ARPP19: variants seen among roughly 807,000 people sequenced by gnomAD.
ARPP19 encodes the protein cAMP-regulated phosphoprotein 19.
ARPP19 carries 8 observed loss-of-function variants against 12.0 expected under a neutral mutation model. The observed-to-expected ratio is 0.67, with a 90% CI of 0.39 to 1.21. The LOEUF (loss-of-function observed/expected upper bound fraction) is 1.21, where lower values mean the gene tolerates loss of function less well. Ranked by LOEUF, ARPP19 falls within the 50% of genes most tolerant of loss-of-function variation. ARPP19 has a pLI of 0.01. For synonymous variants in ARPP19, 47 were observed against 50.4 expected, an observed-to-expected ratio of 0.93 and a Z score of 0.29; for missense variants, 102 against 136.3, an observed-to-expected ratio of 0.75 and a Z score of 1.25.
chr15:52,557,160 A>G lies in ARPP19; in HGVS notation c.108T>C (p.Tyr36=). The part of the protein sequence containing the change: ...KAEEAKLKAR[Y]PHLGQKPGGS... ...CTCCAGGCTTTTGTCCCAGATGAGG[A>G]TATCTTGCTTTTAATTTTGCTTCTT... The change falls in exon 2 of 3, where the codon TAT becomes TAC. Residue 36 remains tyrosine (Y), a synonymous_variant. Transcript: ENST00000249822. 1 of 1,612,894 alleles carries G rather than the reference A, an allele frequency of 6.2e-7. No individual in the cohort carries two copies.
At position 52,547,084 on chromosome 15, in the gene ARPP19, G is replaced by A. The variant is rs2077883213; in HGVS notation, c.*4850C>T. 9.0e-6 allele frequency: 1 copy of A among 111,540 alleles called. No homozygotes were observed. The highest frequency in any genetic ancestry group is 1.1e-4 in the Admixed American group (1 of 8,724). The allele number at this position is 111,540 out of a possible 1,614,324, so 6.9% of individuals were successfully genotyped here. On this transcript the variant is annotated 3_prime_UTR_variant, in exon 3 of 3. Transcript: ENST00000249822. The stretch of plus-strand genomic sequence containing the variant: ...CATTTAATCCTACCTTAAGTACAAA[G>A]CCTTTACAAATGCAAAAAAAAAAAA...
chr15:52,568,678 T>C lies in ARPP19; in HGVS notation c.45+170A>G, dbSNP rs9806501. ...CGCGGGGCACGTTGGAACTCCCAAT[T>C]CGTCGGCGCACCAGCCAGCGACGGC... On this transcript the variant is annotated intron_variant, in intron 1 of 2. Coordinates refer to ENST00000249822, the MANE Select transcript of ARPP19 (RefSeq NM_006628.6). The C allele has an allele frequency of 3.9e-3, 1,917 of 492,520 alleles. 29 individuals are homozygous for C. Among genetic ancestry groups the C allele is most frequent in the African/African-American group, 0.037 (1,789 of 48,576 alleles). The allele number at this position is 492,520 out of a possible 1,614,324, so 30.5% of individuals were successfully genotyped here.
intron 2 of ARPP19, among the ~76,000 whole-genome samples, chr15:52,554,447 G>GA (rs2077963556): frequency 8.3e-5 from 1 of 12,004 alleles, no homozygotes. Flanking sequence ...AGATAGAGAA[G>GA]TGAACTAATG....
At chr15:52,555,322 C>T (rs998756803) in intron 2 of ARPP19, among the ~76,000 whole-genome samples, 7 of 151,894 alleles carry the variant, frequency 4.6e-5, no homozygotes, top group Non-Finnish European at 8.8e-5. Context: ...GCCTATTAGC[C>T]AAGGTTATGC....
intron 2 of ARPP19, chr15:52,556,855 G>C (rs1296041148): frequency 2.8e-5 from 10 of 363,500 alleles, no homozygotes; most frequent in Non-Finnish European, 4.9e-5. Flanking sequence ...TATGGGTTCT[G>C]TTATATCTGC....
chr15:52,556,133 A>G (rs2077979211), intron 2 of ARPP19, among the ~76,000 whole-genome samples: 2 of 152,090 alleles, frequency 1.3e-5, no homozygotes, highest in Admixed American at 6.5e-5. Context: ...TAAAAATACC[A>G]TTCTATTTTT....
rs796368820 is a variant in ARPP19, at chr15:52,564,274, GGCGGTT to G, written c.45+4568_45+4573del. On this transcript the variant is annotated intron_variant, in intron 1 of 2. Coordinates refer to ENST00000249822, the MANE Select transcript of ARPP19 (RefSeq NM_006628.6). ...GAATAGAAATAGAAAACATGGATGA[GGCGGTT>G]GCTCACACCTGCAGTCCCAGCTACT... The G allele has an allele frequency of 3.1e-5, 47 of 1,518,724 alleles. No individual in the cohort carries two copies. The African/African-American group carries it at 3.8e-4, about 12-fold the overall frequency. The allele number at this position is 1,518,724 out of a possible 1,614,324, so 94.1% of individuals were successfully genotyped here.
chr15:52,564,290 T>A (rs1430060988), intron 1 of ARPP19: 1 of 1,410,526 alleles, frequency 7.1e-7, no homozygotes, highest in South Asian at 1.2e-5. Flanking sequence ...TGCTCACACC[T>A]GCAGTCCCAG....
In ARPP19 at chr15:52,559,172, G is replaced by A. The variant is rs146709459; in HGVS notation, c.46-1950C>T. On this transcript the variant is annotated intron_variant, in intron 1 of 2. Transcript: ENST00000249822. Reference sequence around the variant, plus strand: ...TATGTTATCTCTTTACAGTGGCCACGTCATTCACTCACTTGACATGCACGA... The same window carrying A: ...TATGTTATCTCTTTACAGTGGCCACATCATTCACTCACTTGACATGCACGA... 7.2e-5 allele frequency among the ~76,000 whole-genome samples: 11 copies of A among 152,186 alleles called. No individual in the cohort carries two copies. In the East Asian group the frequency reaches 1.7e-3, roughly 24 times the overall value.
intron 2 of ARPP19, among the ~76,000 whole-genome samples, chr15:52,556,613 AG>A (rs1035226618): frequency 1.3e-5 from 2 of 152,162 alleles, no homozygotes; most frequent in African/African-American, 4.8e-5. Flanking sequence ...AAGTATTTTA[AG>A]CTTTTGAATG....
chr15:52,564,198 T>A (rs1411196960), intron 1 of ARPP19: 7 of 1,532,890 alleles, frequency 4.6e-6, no homozygotes, highest in Non-Finnish European at 5.2e-6. Context: ...ACCTCTAGGC[T>A]GTTAGGAATC....
At chr15:52,568,255 G>C (rs1302457504) in intron 1 of ARPP19, 3 of 152,198 alleles carry the variant, frequency 2.0e-5, no homozygotes, top group African/African-American at 7.2e-5. Context: ...ACCTTTTTGA[G>C]CACAGACTGC....
chr15:52,555,579 C>G (rs2077974437), intron 2 of ARPP19, among the ~76,000 whole-genome samples: 1 of 151,918 alleles, frequency 6.6e-6, no homozygotes, highest in Non-Finnish European at 1.5e-5. Flanking sequence ...TAGTTATAAG[C>G]TATAAGGAGG....
intron 1 of ARPP19, among the ~76,000 whole-genome samples, chr15:52,560,177 CT>C (rs1427852174): frequency 6.6e-6 from 1 of 151,762 alleles, no homozygotes; most frequent in African/African-American, 2.4e-5. Flanking sequence ...CCCTTATTTT[CT>C]TTTTCTTTTT....
Position 52,564,136 on chromosome 15 carries a change from C to T in ARPP19, c.45+4712G>A, listed in dbSNP as rs1019145004. The T allele has an allele frequency of 1.1e-5, 14 of 1,325,570 alleles. No individual in the cohort carries two copies. In the Admixed American group the frequency reaches 1.6e-4, roughly 15 times the overall value. The allele number at this position is 1,325,570 out of a possible 1,614,324, so 82.1% of individuals were successfully genotyped here. On this transcript the variant is annotated intron_variant, in intron 1 of 2. Transcript: ENST00000249822. ...AAGCAACCCTAACAAACTGTTGTATCGCAAACTGCTAAGACGGCTAAGAGA... is the reference window on the plus strand; with the variant it reads ...AAGCAACCCTAACAAACTGTTGTATTGCAAACTGCTAAGACGGCTAAGAGA...
rs1376937278 is a variant in ARPP19, at chr15:52,547,896, T to C, written c.*4038A>G. ...ATTTAATGAGTGCCATCAATGGGCT[T>C]AAGAAATAAGCAGGGATGGGGGATA... On this transcript the variant is annotated 3_prime_UTR_variant, in exon 3 of 3. Transcript: ENST00000249822. 6.6e-6 allele frequency: 1 copy of C among 152,218 alleles called. No homozygotes were observed. Among genetic ancestry groups the C allele is most frequent in the Non-Finnish European group, 1.5e-5 (1 of 68,040 alleles). 9.4% of individuals were successfully genotyped at this position (152,218 alleles called of 1,614,324 possible).
rs2078062197 is a variant in ARPP19 at position 52,564,335 on chromosome 15, C to G, written c.45+4513G>C. 5 of 947,198 alleles carry G rather than the reference C, an allele frequency of 5.3e-6. No individual in the cohort carries two copies. The East Asian group carries it at 1.3e-4, about 25-fold the overall frequency. 58.7% of individuals were successfully genotyped at this position (947,198 alleles called of 1,614,324 possible). The stretch of plus-strand genomic sequence containing the variant: ...GGCTGAGGTGGGAGGCTAGGTGAAC[C>G]CAGGAGTTCAAGGCGGCAATATGCT... On this transcript the variant is annotated intron_variant, in intron 1 of 2. Coordinates refer to ENST00000249822, the MANE Select transcript of ARPP19 (RefSeq NM_006628.6).
chr15:52,562,261 A>T (rs1287695462), intron 1 of ARPP19, among the ~76,000 whole-genome samples: 1 of 152,216 alleles, frequency 6.6e-6, no homozygotes. Flanking sequence ...CTTCCACAGC[A>T]CAAATGGAAA....
intron 1 of ARPP19, among the ~76,000 whole-genome samples, chr15:52,560,240 G>GC (rs112530133): frequency 0.021 from 3,233 of 151,602 alleles, 107 homozygotes; most frequent in African/African-American, 0.075. Flanking sequence ...CAGGTCATCT[G>GC]CCCGCCTCGG....
Sources: allele counts gnomAD v4.1 joint callset (sites outside exome capture counted in the v4.1 genomes callset), GRCh38; gene constraint gnomAD v4.1.1; transcripts MANE v1.5; gene names NCBI Gene and HGNC (gene_info 2026-07-23, HGNC 2026-07-21).